Variants in JHY observed in about 807,000 individuals in gnomAD.
The protein encoded by JHY is junctional cadherin complex regulator, also known as jhy protein homolog.
A neutral mutation model predicts 78.0 loss-of-function variants in JHY; 69 were observed. That is an observed-to-expected ratio of 0.88 (90% CI 0.73 to 1.08). The LOEUF is 1.08. JHY is among the 50% of genes least tolerant of loss of function. JHY has a pLI of 0.00. For missense variants in JHY, 944 were observed against 927.8 expected, an observed-to-expected ratio of 1.02 and a Z score of -0.23; for synonymous variants, 368 against 342.6, an observed-to-expected ratio of 1.07 and a Z score of -0.82.
At chr11:122,897,501 G>T (rs1246814523) in intron 2 of JHY, among the ~76,000 whole-genome samples, 1 of 152,040 alleles carries the variant, frequency 6.6e-6, no homozygotes, top group Non-Finnish European at 1.5e-5. Flanking sequence ...CAAAATTCTG[G>T]GACTACAAGC....
At chr11:122,904,729 A>T (rs556011521) in intron 3 of JHY, among the ~76,000 whole-genome samples, 1 of 152,260 alleles carries the variant, frequency 6.6e-6, no homozygotes, top group Non-Finnish European at 1.5e-5. Flanking sequence ...ATAAGTAATT[A>T]TAAGTCCATT....
chr11:122,910,614 G>A (rs554328178), intron 3 of JHY, among the ~76,000 whole-genome samples: 1 of 152,118 alleles, frequency 6.6e-6, no homozygotes, highest in Admixed American at 6.5e-5. Context: ...ACTTTTTACT[G>A]TGTACCTTTT....
At position 122,883,070 on chromosome 11, in the gene JHY, A is replaced by T. The variant is rs1327589679; in HGVS notation, c.-90+98A>T. The stretch of plus-strand genomic sequence containing the variant: ...GGATGGGGACGGCAGGAAACCACCC[A>T]AGCAAGCTGGGGAGGAGCCGGCGCG... On this transcript the variant is annotated intron_variant, in intron 1 of 8. Coordinates refer to ENST00000227349, the MANE Select transcript of JHY (RefSeq NM_024806.4). This position sits in a 1 kb window ranked among gnomAD's most constrained non-coding sequence, Gnocchi z 4.4. 6.5e-6 allele frequency: 1 copy of T among 152,772 alleles called. No individual in the cohort carries two copies. The highest frequency in any genetic ancestry group is 1.5e-5 in the Non-Finnish European group (1 of 68,218). 9.5% of individuals were successfully genotyped at this position (152,772 alleles called of 1,614,324 possible). A position where few individuals can be genotyped will look rare whatever the true frequency, so the allele number is the denominator to read the frequency against.
intron 6 of JHY, among the ~76,000 whole-genome samples, chr11:122,951,302 T>C (rs1164890984): frequency 6.6e-6 from 1 of 152,100 alleles, no homozygotes; most frequent in Non-Finnish European, 1.5e-5. Context: ...TGGCAAACAG[T>C]ATAAAAATAT....
chr11:122,910,399 A>C (rs1313307072), intron 3 of JHY, among the ~76,000 whole-genome samples: 1 of 151,856 alleles, frequency 6.6e-6, no homozygotes, highest in Admixed American at 6.6e-5. Flanking sequence ...TGAGCTCGGG[A>C]GGCAGGGTTT....
intron 6 of JHY, 135 bp from the exon 7 acceptor site, chr11:122,956,361 C>T: frequency 3.9e-6 from 2 of 506,726 alleles, no homozygotes; most frequent in South Asian, 4.4e-5. Context: ...GGAAATGCGG[C>T]CATTCTCTGA....
At chr11:122,941,014 G>C (rs746177391) in intron 5 of JHY, among the ~76,000 whole-genome samples, 1 of 152,102 alleles carries the variant, frequency 6.6e-6, no homozygotes, top group Non-Finnish European at 1.5e-5. Context: ...GGGTCCTTTT[G>C]ATGTAACATC....
intron 5 of JHY, among the ~76,000 whole-genome samples, chr11:122,938,101 G>A (rs964292890): frequency 2.0e-5 from 3 of 151,602 alleles, no homozygotes; most frequent in Non-Finnish European, 2.9e-5. Flanking sequence ...ATAATATTGC[G>A]CCTTTGTATA....
rs1565343450 is a variant in JHY at position 122,960,987 on chromosome 11, G to C, written c.*1542G>C. ...GGAACAAGAGCACATGATAAATTGG[G>C]TGCAGAGCATCTCTGCACAACAGGA... On this transcript the variant is annotated 3_prime_UTR_variant, in exon 9 of 9. Transcript: ENST00000227349. The C allele has an allele frequency of 1.2e-6, 1 of 832,806 alleles. No individual in the cohort carries two copies. Among genetic ancestry groups the C allele is most frequent in the South Asian group, 1.3e-5 (1 of 75,788 alleles). 51.6% of individuals were successfully genotyped at this position (832,806 alleles called of 1,614,324 possible).
chr11:122,946,725 G>C lies in JHY; in HGVS notation c.1862G>C (p.Ser621Thr), dbSNP rs772288667. 2 of 1,614,074 alleles carry C rather than the reference G, an allele frequency of 1.2e-6. No homozygotes were observed. Among genetic ancestry groups the C allele is most frequent in the Non-Finnish European group, 1.7e-6 (2 of 1,179,998 alleles). Residue 621 changes from serine (S) to threonine (T), a missense_variant, in exon 6 of 9, where the codon AGC (serine) becomes ACC (threonine). Coordinates refer to ENST00000227349, the MANE Select transcript of JHY (RefSeq NM_024806.4). ...AGAAACCAAGTGAAAATTAGCCGTA[G>C]CAATTCTGAAGGCTATCTGTTTCAA... ...SQRNQVKISR[S>T]NSEGYLFQLE...
At chr11:122,929,575 C>G (rs980693654) in intron 4 of JHY, among the ~76,000 whole-genome samples, 5 of 152,102 alleles carry the variant, frequency 3.3e-5, no homozygotes, top group Admixed American at 1.3e-4. Flanking sequence ...TCCCAGGACT[C>G]AGACTGGAGA....
At chr11:122,949,797 G>GT (rs1480806699) in intron 6 of JHY, among the ~76,000 whole-genome samples, 4 of 151,662 alleles carry the variant, frequency 2.6e-5, no homozygotes, top group Non-Finnish European at 5.9e-5. Context: ...CGGTTCCACT[G>GT]TAAGTAAGGA....
At chr11:122,901,132 A>G (rs949109922) in intron 2 of JHY, among the ~76,000 whole-genome samples, 2 of 152,260 alleles carry the variant, frequency 1.3e-5, no homozygotes, top group South Asian at 2.1e-4. Context: ...ATGTGTTACT[A>G]TACTAAACAC....
intron 3 of JHY, among the ~76,000 whole-genome samples, chr11:122,922,692 C>T (rs1194070941): frequency 6.6e-6 from 1 of 151,904 alleles, no homozygotes; most frequent in African/African-American, 2.4e-5. Context: ...TGCCTGTAGT[C>T]CCAGCTACTC....
chr11:122,925,173 C>T (rs1158004823), intron 4 of JHY, among the ~76,000 whole-genome samples, 163 bp downstream of exon 4: 2 of 152,190 alleles, frequency 1.3e-5, no homozygotes, highest in Non-Finnish European at 2.9e-5. Context: ...GGAGCCATTG[C>T]CTGCTCAGCC....
Position 122,883,872 on chromosome 11 carries a change from A to G in JHY, c.-90+900A>G, listed in dbSNP as rs1205964229. On this transcript the variant is annotated intron_variant, in intron 1 of 8. Transcript: ENST00000227349. The surrounding 1 kb of genome is among the most constrained non-coding windows in gnomAD (Gnocchi z 4.4). ...CTATTTCATTTAAGAAGAGAAGTTC[A>G]AGGGACTGAATTATTTTAAGAGTAA... 6.6e-6 allele frequency among the ~76,000 whole-genome samples: 1 copy of G among 152,230 alleles called. No individual in the cohort carries two copies. The highest frequency in any genetic ancestry group is 1.5e-5 in the Non-Finnish European group (1 of 68,034).
At position 122,946,684 on chromosome 11, in the gene JHY, T is replaced by C; in HGVS notation, c.1821T>C (p.Ser607=). ...GGGTAGAAAGTGAATCCCAACTCAG[T>C]TCAGAGAGAAGCCAAAGAAACCAAG... is the stretch of plus-strand genomic sequence containing the variant. ...LSRVESESQL[S]SERSQRNQVK... The change falls in exon 6 of 9, where the codon AGT becomes AGC. Residue 607 remains serine (S), a synonymous_variant. Transcript: ENST00000227349. The C allele has an allele frequency of 6.2e-7, 1 of 1,614,114 alleles. No individual in the cohort carries two copies.
intron 6 of JHY, among the ~76,000 whole-genome samples, chr11:122,951,506 G>C (rs1864082493): frequency 6.6e-6 from 1 of 152,204 alleles, no homozygotes; most frequent in African/African-American, 2.4e-5. Context: ...CTGTTCCACA[G>C]TGTTTGAGGC....
chr11:122,884,441 GAA>G, intron 1 of JHY, among the ~76,000 whole-genome samples: 1 of 135,974 alleles, frequency 7.4e-6, no homozygotes, highest in South Asian at 2.3e-4. Flanking sequence ...CTGACTCACA[GAA>G]AAAAAAAAAA....
Sources: allele counts gnomAD v4.1 joint callset (sites outside exome capture counted in the v4.1 genomes callset), GRCh38; gene constraint gnomAD v4.1.1; non-coding constraint Gnocchi (gnomAD v3.1); transcripts MANE v1.5; gene names NCBI Gene and HGNC (gene_info 2026-07-23, HGNC 2026-07-21).